GNG4: variants seen among roughly 807,000 people sequenced by gnomAD.
The protein encoded by GNG4 is guanine nucleotide-binding protein G(I)/G(S)/G(O) subunit gamma-4.
A neutral mutation model predicts 5.8 loss-of-function variants in GNG4; 4 were observed. The ratio of observed to expected loss-of-function variants is 0.69; its 90% CI spans 0.34 to 1.57. GNG4 has a LOEUF of 1.57. GNG4 is among the 40% of genes most tolerant of loss of function. The pLI is 0.06. For missense variants in GNG4, 96 were observed against 95.1 expected (o/e 1.01, Z -0.04); for synonymous variants, 29 against 32.9 (o/e 0.88, Z 0.41).
intron 3 of GNG4, among the ~76,000 whole-genome samples, chr1:235,552,857 G>A (rs1686790385): frequency 6.6e-6 from 1 of 152,096 alleles, no homozygotes; most frequent in Non-Finnish European, 1.5e-5. Flanking sequence ...CATCTCCTGG[G>A]TTCAAGTGAT....
At chr1:235,570,523 A>G (rs371609319) in intron 3 of GNG4, among the ~76,000 whole-genome samples, 1 of 149,462 alleles carries the variant, frequency 6.7e-6, no homozygotes, top group Admixed American at 6.7e-5. Flanking sequence ...CAGCCTCCCG[A>G]GTAGCTGGGA....
intron 1 of GNG4, among the ~76,000 whole-genome samples, chr1:235,598,455 AAAAATT>A: frequency 6.6e-6 from 1 of 152,222 alleles, no homozygotes. Flanking sequence ...CAAAAAATTT[AAAAATT>A]ATCTGGGTGT....
At chr1:235,611,635 G>A (rs1229541150) in intron 1 of GNG4, among the ~76,000 whole-genome samples, 3 of 152,184 alleles carry the variant, frequency 2.0e-5, no homozygotes, top group African/African-American at 7.2e-5. Flanking sequence ...TGCCAAGCAG[G>A]TGGGTTGTTT....
At chr1:235,634,333 C>A (rs946141174) in intron 1 of GNG4, among the ~76,000 whole-genome samples, 19 of 152,166 alleles carry the variant, frequency 1.2e-4, no homozygotes, top group Non-Finnish European at 5.9e-5. Context: ...GGCCAGTTAG[C>A]AAGAGAGGAG....
At chr1:235,566,363 C>T (rs376660758) in intron 3 of GNG4, among the ~76,000 whole-genome samples, 7 of 152,144 alleles carry the variant, frequency 4.6e-5, no homozygotes, top group Admixed American at 3.3e-4. Flanking sequence ...CCCATAGGAG[C>T]GTGAACCCTA....
intron 3 of GNG4, among the ~76,000 whole-genome samples, chr1:235,553,815 G>A (rs1686821379): frequency 6.6e-6 from 1 of 152,104 alleles, no homozygotes; most frequent in Admixed American, 6.6e-5. Flanking sequence ...TGTGACCTTG[G>A]GTAAGCAGCT....
chr1:235,632,664 C>T (rs73122542), intron 1 of GNG4, among the ~76,000 whole-genome samples: 9 of 152,080 alleles, frequency 5.9e-5, no homozygotes, highest in African/African-American at 1.9e-4. Context: ...AACTGTCTGT[C>T]GTCTTCCTGC....
chr1:235,608,818 G>A (rs375664579), intron 1 of GNG4, among the ~76,000 whole-genome samples: 147 of 152,024 alleles, frequency 9.7e-4, no homozygotes, highest in African/African-American at 3.5e-3. Context: ...TGAGTAGCTG[G>A]GATTACAGGT....
chr1:235,636,389 C>G (rs1329827224), intron 1 of GNG4, among the ~76,000 whole-genome samples: 1 of 152,320 alleles, frequency 6.6e-6, no homozygotes. Context: ...CCAAAGGCAC[C>G]AGGTCCTGCG....
intron 1 of GNG4, among the ~76,000 whole-genome samples, chr1:235,627,570 C>T (rs1413652989): frequency 1.3e-5 from 2 of 152,134 alleles, no homozygotes; most frequent in East Asian, 3.9e-4. Flanking sequence ...GTTTGGAAAA[C>T]TGTCTGGTAC....
At chr1:235,573,775 T>C (rs1244445234) in intron 3 of GNG4, among the ~76,000 whole-genome samples, 2 of 151,446 alleles carry the variant, frequency 1.3e-5, no homozygotes, top group East Asian at 1.9e-4. Context: ...AGATTCCATC[T>C]CAAAAAAAAG....
intron 3 of GNG4, among the ~76,000 whole-genome samples, chr1:235,574,664 AT>A: frequency 6.6e-6 from 1 of 152,268 alleles, no homozygotes; most frequent in East Asian, 1.9e-4. Context: ...GTGTCCTTGC[AT>A]TTCCTATTTT....
chr1:235,587,326 AGAGTGTGAGAGCATGTATGAGGGTCAG>A (rs1687796626), intron 2 of GNG4, among the ~76,000 whole-genome samples: 1 of 20,542 alleles, frequency 4.9e-5, no homozygotes, highest in Non-Finnish European at 7.0e-5. Flanking sequence ...TGTGTGTGTG[AGAGTGTGAGAGCATGTATGAGGGTCAG>A]GGGTGGGGTG....
intron 3 of GNG4, among the ~76,000 whole-genome samples, chr1:235,577,954 AAG>A (rs1282715096): frequency 6.6e-6 from 1 of 151,812 alleles, no homozygotes; most frequent in Non-Finnish European, 1.5e-5. Context: ...TTCCCTCCTC[AAG>A]GTCCTTGACG....
chr1:235,609,929 C>T (rs1425564176), intron 1 of GNG4, among the ~76,000 whole-genome samples: 1 of 152,088 alleles, frequency 6.6e-6, no homozygotes, highest in Non-Finnish European at 1.5e-5. Flanking sequence ...GAGATGTCAA[C>T]CTAACTGCCT....
chr1:235,586,331 G>A (rs1426811364), intron 2 of GNG4, among the ~76,000 whole-genome samples: 1 of 152,152 alleles, frequency 6.6e-6, no homozygotes, highest in East Asian at 1.9e-4. Flanking sequence ...ATGTGCCCAC[G>A]TGCCTGCTCG....
chr1:235,632,132 CT>C (rs1688943964), intron 1 of GNG4, among the ~76,000 whole-genome samples: 2 of 152,134 alleles, frequency 1.3e-5, no homozygotes, highest in Admixed American at 1.3e-4. Flanking sequence ...GTCAACCAGG[CT>C]GGGGTGCAGC....
intron 3 of GNG4, among the ~76,000 whole-genome samples, chr1:235,583,120 C>T (rs1687678432): frequency 1.3e-5 from 2 of 152,192 alleles, no homozygotes; most frequent in Admixed American, 1.3e-4. Flanking sequence ...AACTCTATTA[C>T]AGTCAACGAG....
At chr1:235,567,321 C>G (rs1687223432) in intron 3 of GNG4, among the ~76,000 whole-genome samples, 1 of 152,126 alleles carries the variant, frequency 6.6e-6, no homozygotes, top group African/African-American at 2.4e-5. Context: ...ATAAAACATA[C>G]ATGACATCAA....
Sources: gnomAD v4.1 joint callset for allele counts (sites outside exome capture counted in the v4.1 genomes callset) on GRCh38, gnomAD v4.1.1 for gene constraint, MANE v1.5 for transcripts, NCBI Gene and HGNC (gene_info 2026-07-23, HGNC 2026-07-21) for gene names.